The following CFAP47 variants were observed in gnomAD, a reference collection of about 807,000 sequenced individuals.
CFAP47 encodes the protein cilia and flagella associated protein 47.
CFAP47 carries 29 observed loss-of-function variants against 148.1 expected under a neutral mutation model. That is an observed-to-expected ratio of 0.20 (90% CI 0.15 to 0.27). CFAP47 has a LOEUF of 0.27. Among genes scored for constraint, CFAP47 ranks in the 10% least tolerant of loss-of-function variants. The pLI is 1.00. For missense variants in CFAP47, 1,872 were observed against 1,697.5 expected, an observed-to-expected ratio of 1.10 and a Z score of -1.81; for synonymous variants, 664 against 577.3, an observed-to-expected ratio of 1.15 and a Z score of -2.15.
chrX:35,921,485 GTAA>G (rs1287545785), intron 1 of CFAP47, among the ~76,000 whole-genome samples: 3 of 111,903 alleles, frequency 2.7e-5, no homozygotes, highest in Non-Finnish European at 5.6e-5. Context: ...CAAGCTGGTG[GTAA>G]TAATGTTTGG....
intron 49 of CFAP47, among the ~76,000 whole-genome samples, chrX:36,278,294 A>G (rs1342085413): frequency 8.9e-6 from 1 of 112,068 alleles, no homozygotes. Context: ...AGCCTCAGCA[A>G]TGGCAGACTC....
intron 39 of CFAP47, among the ~76,000 whole-genome samples, chrX:36,172,665 G>C (rs1342173740): frequency 9.0e-6 from 1 of 111,122 alleles, no homozygotes; most frequent in Non-Finnish European, 1.9e-5. Context: ...GATCATGGTG[G>C]ATAAGCTTTT....
chrX:36,107,976 G>T (rs923921394), intron 33 of CFAP47, among the ~76,000 whole-genome samples: 1 of 110,933 alleles, frequency 9.0e-6, no homozygotes, highest in Non-Finnish European at 1.9e-5. Flanking sequence ...TTAACTATGA[G>T]TGTTTCCAGA....
At chrX:36,078,144 A>C (rs1937901174) in intron 29 of CFAP47, among the ~76,000 whole-genome samples, 1 of 112,353 alleles carries the variant, frequency 8.9e-6, no homozygotes, top group Admixed American at 9.4e-5. Flanking sequence ...ATTTTGGAAT[A>C]AGTGCAATGG....
chrX:36,074,001 G>C (rs761187369), intron 29 of CFAP47, among the ~76,000 whole-genome samples: 1 of 111,913 alleles, frequency 8.9e-6, no homozygotes, highest in South Asian at 3.7e-4. Context: ...AGGGAGTACA[G>C]TACTCATAGC....
intron 37 of CFAP47, among the ~76,000 whole-genome samples, chrX:36,155,101 A>G (rs1939351896): frequency 9.0e-6 from 1 of 110,967 alleles, no homozygotes; most frequent in African/African-American, 3.3e-5. Context: ...ATGAATTTAT[A>G]TATATATAAA....
At chrX:36,019,048 C>G (rs916885781) in intron 22 of CFAP47, among the ~76,000 whole-genome samples, 1 of 111,629 alleles carries the variant, frequency 9.0e-6, no homozygotes, top group Admixed American at 9.5e-5. Flanking sequence ...TTTGGAATTT[C>G]CCCCTGGTTC....
chrX:36,048,008 A>G (rs894649614), intron 26 of CFAP47, among the ~76,000 whole-genome samples: 1 of 111,701 alleles, frequency 9.0e-6, no homozygotes, highest in Non-Finnish European at 1.9e-5. Flanking sequence ...GAGCCTTAAT[A>G]CTGGCAAATC....
chrX:36,106,595 C>T (rs999337786), intron 33 of CFAP47, among the ~76,000 whole-genome samples: 1 of 111,339 alleles, frequency 9.0e-6, no homozygotes. Flanking sequence ...GCAGAAGGCA[C>T]AAAAGAGATA....
chrX:36,105,684 G>T (rs1430467424), intron 33 of CFAP47, among the ~76,000 whole-genome samples: 12 of 111,560 alleles, frequency 1.1e-4, no homozygotes, highest in Non-Finnish European at 2.1e-4. Flanking sequence ...AAATATATTT[G>T]CCCCATTAAA....
intron 51 of CFAP47, among the ~76,000 whole-genome samples, chrX:36,293,907 CCA>C (rs1941215694): frequency 9.0e-6 from 1 of 111,025 alleles, no homozygotes; most frequent in South Asian, 3.9e-4. Context: ...ACAGAATGGA[CCA>C]CAGAGGGAGG....
At chrX:36,080,384 G>T (rs866000531) in intron 29 of CFAP47, among the ~76,000 whole-genome samples, 1 of 111,444 alleles carries the variant, frequency 9.0e-6, no homozygotes, top group Non-Finnish European at 1.9e-5. Flanking sequence ...ATTCCTCAAG[G>T]ATCTAGAACT....
At chrX:36,243,893 C>G (rs1555996541) in intron 48 of CFAP47, among the ~76,000 whole-genome samples, 1 of 108,651 alleles carries the variant, frequency 9.2e-6, no homozygotes, top group East Asian at 2.9e-4. Context: ...TAATAGAAAG[C>G]TATACAATGG....
At position 36,303,910 on chromosome X, in the gene CFAP47, A is replaced by G; in HGVS notation, c.8032A>G (p.Thr2678Ala). The G allele has an allele frequency of 3.5e-6, 4 of 1,144,494 alleles. No individual in the cohort carries two copies. Among genetic ancestry groups the G allele is most frequent in the Non-Finnish European group, 4.7e-6 (4 of 855,716 alleles). 94.3% of individuals were successfully genotyped at this position (1,144,494 alleles called of 1,213,427 possible). The change falls in exon 54 of 64, where the codon ACA (threonine) becomes GCA (alanine). Residue 2678 changes from threonine to alanine, a missense_variant. By Grantham distance (58) the Thr-to-Ala change is moderately conservative. Transcript: ENST00000378653. ...CTHETLKLQV[T>A]NSNPENFVLD... ...GCATGAAACCTTAAAATTGCAAGTAACAAACAGTAATCCTGAAAATTTTGT... is the reference window on the plus strand; with the variant it reads ...GCATGAAACCTTAAAATTGCAAGTAGCAAACAGTAATCCTGAAAATTTTGT...
intron 24 of CFAP47, among the ~76,000 whole-genome samples, chrX:36,036,946 G>A (rs1420157668): frequency 8.9e-6 from 1 of 112,226 alleles, no homozygotes; most frequent in Non-Finnish European, 1.9e-5. Context: ...AGCATATTAT[G>A]ATTAGTAGGC....
chrX:36,081,099 G>A (rs1425498203), intron 29 of CFAP47, among the ~76,000 whole-genome samples: 1 of 110,908 alleles, frequency 9.0e-6, no homozygotes, highest in Non-Finnish European at 1.9e-5. Flanking sequence ...TAGACTACTA[G>A]CTAGACTAAG....
rs187683924 is a variant in CFAP47 at position 36,334,340 on chromosome X, T to C, written c.8444-13789T>C. Among the ~76,000 whole-genome samples, 3 of 111,846 alleles carry C rather than the reference T, an allele frequency of 2.7e-5. No individual in the cohort carries two copies. In the East Asian group the frequency reaches 8.4e-4, roughly 31 times the overall value. Reference sequence around the variant, plus strand: ...ACAGTGGATGAATTCCTGTTACCCTTTTCTTTAGGTCTGTATATAATTGTC... The same window carrying C: ...ACAGTGGATGAATTCCTGTTACCCTCTTCTTTAGGTCTGTATATAATTGTC... On this transcript the variant is annotated intron_variant, in intron 57 of 63. Transcript: ENST00000378653.
chrX:35,960,979 G>A (rs557950907), intron 8 of CFAP47, among the ~76,000 whole-genome samples: 2 of 111,859 alleles, frequency 1.8e-5, no homozygotes, highest in African/African-American at 6.5e-5. Context: ...CAAGTTTCAT[G>A]TTAGCTGTAA....
chrX:36,215,256 C>A lies in CFAP47; in HGVS notation c.6817+10146C>A, dbSNP rs145451499. 8.6e-3 allele frequency among the ~76,000 whole-genome samples: 958 copies of A among 111,288 alleles called. 10 individuals carry two copies. Among genetic ancestry groups the A allele is most frequent in the African/African-American group, 0.029 (893 of 30,550 alleles). On this transcript the variant is annotated intron_variant, in intron 45 of 63. Transcript: ENST00000378653. ...GTGTCTCTGCAAAGTACCCTTGAGC[C>A]ATCAATGTGAGAGAGAAAAGAAAAG... is the stretch of plus-strand genomic sequence containing the variant.
Sources: gnomAD v4.1 joint callset for allele counts (sites outside exome capture counted in the v4.1 genomes callset) on GRCh38, gnomAD v4.1.1 for gene constraint, MANE v1.5 for transcripts, NCBI Gene and HGNC (gene_info 2026-07-23, HGNC 2026-07-21) for gene names.